Variants in IQSEC1 observed in about 807,000 individuals in gnomAD.
The protein encoded by IQSEC1 is IQ motif and Sec7 domain ArfGEF 1.
Under a neutral mutation model 91.0 loss-of-function variants are expected in IQSEC1, and 31 were observed. That is an observed-to-expected ratio of 0.34 (90% CI 0.26 to 0.46). The LOEUF is 0.46. Ranked by LOEUF, IQSEC1 falls within the 20% of genes least tolerant of loss-of-function variation. The pLI is 1.00. For missense variants in IQSEC1, 1,388 were observed against 1,575.6 expected, an observed-to-expected ratio of 0.88 and a Z score of 2.02; for synonymous variants, 699 against 662.6, an observed-to-expected ratio of 1.05 and a Z score of -0.84.
rs937581309 is a variant in IQSEC1 at position 12,922,020 on chromosome 3, A to G, written c.1853+100T>C. ...CATTCAGGGACACCTGGCCCTGTCT[A>G]GGGATGGTGGGGATGCAGTCTTTGG... On this transcript the variant is annotated intron_variant, in intron 5 of 13. Coordinates refer to ENST00000613206, the MANE Select transcript of IQSEC1 (RefSeq NM_001134382.3). This position sits in a 1 kb window ranked among gnomAD's most constrained non-coding sequence, Gnocchi z 5.1. 2.1e-6 allele frequency: 3 copies of G among 1,398,926 alleles called. No individual in the cohort carries two copies. The African/African-American group carries it at 4.4e-5, about 20-fold the overall frequency. 86.7% of individuals were successfully genotyped at this position (1,398,926 alleles called of 1,614,324 possible). A position where few individuals can be genotyped will look rare whatever the true frequency, so the allele number is the denominator to read the frequency against.
intron 1 of IQSEC1, among the ~76,000 whole-genome samples, chr3:13,009,974 G>C (rs1328563303): frequency 6.6e-6 from 1 of 152,226 alleles, no homozygotes; most frequent in Non-Finnish European, 1.5e-5. Context: ...CTGGGCTTCA[G>C]GTCAAGCTGA....
chr3:13,063,064 C>T (rs1429978130), intron 1 of IQSEC1, among the ~76,000 whole-genome samples: 1 of 152,222 alleles, frequency 6.6e-6, no homozygotes, highest in African/African-American at 2.4e-5. Context: ...ATCCCAAGCT[C>T]ATGCTCAGGA....
At chr3:13,127,083 G>T (rs1265600341) in intron 2 of IQSEC1, among the ~76,000 whole-genome samples, 2 of 152,078 alleles carry the variant, frequency 1.3e-5, no homozygotes. Context: ...TTGCATCTTT[G>T]TTAAAAGTCA....
chr3:13,138,622 G>A (rs358381), intron 2 of IQSEC1, among the ~76,000 whole-genome samples: 71,197 of 151,842 alleles, frequency 0.47, 17,744 homozygotes, highest in Admixed American at 0.57. Context: ...AGAGGCCAGG[G>A]AGGGGCCCAT....
chr3:12,963,484 T>A (rs1700367809), intron 1 of IQSEC1, among the ~76,000 whole-genome samples: 1 of 152,156 alleles, frequency 6.6e-6, no homozygotes, highest in Non-Finnish European at 1.5e-5. Flanking sequence ...CAGCAACAAT[T>A]TCACAAACGG....
At chr3:13,108,476 A>G (rs1348055436) in intron 2 of IQSEC1, among the ~76,000 whole-genome samples, 1 of 151,948 alleles carries the variant, frequency 6.6e-6, no homozygotes, top group Non-Finnish European at 1.5e-5. Context: ...TCCCATTTGT[A>G]TCTCCACCAG....
chr3:13,026,573 G>A (rs1035031105), intron 1 of IQSEC1, among the ~76,000 whole-genome samples: 4 of 152,216 alleles, frequency 2.6e-5, no homozygotes, highest in African/African-American at 9.7e-5. Flanking sequence ...TCTGTACCAA[G>A]GGAGCAAATG....
chr3:13,275,203 C>T (rs908387868), intron 1 of IQSEC1, among the ~76,000 whole-genome samples: 2 of 152,226 alleles, frequency 1.3e-5, no homozygotes, highest in East Asian at 1.9e-4. Flanking sequence ...GCACCTAGAA[C>T]GGGCTCGGTT....
At chr3:13,165,872 G>A (rs938871391) in intron 1 of IQSEC1, among the ~76,000 whole-genome samples, 5 of 152,178 alleles carry the variant, frequency 3.3e-5, no homozygotes, top group Non-Finnish European at 7.4e-5. Flanking sequence ...TCCACTGTGC[G>A]CTGACCAAGA....
chr3:13,170,957 G>A (rs1038567255), intron 1 of IQSEC1, among the ~76,000 whole-genome samples: 94 of 152,140 alleles, frequency 6.2e-4, no homozygotes, highest in Middle Eastern at 3.4e-3. Context: ...AAAATTAGCC[G>A]GGCATGATGG....
At chr3:13,121,164 A>G (rs1706417169) in intron 2 of IQSEC1, among the ~76,000 whole-genome samples, 1 of 152,206 alleles carries the variant, frequency 6.6e-6, no homozygotes, top group Admixed American at 6.5e-5. Context: ...TGCTTTTGTG[A>G]GCAGGACTTT....
intron 1 of IQSEC1, among the ~76,000 whole-genome samples, chr3:13,266,662 A>T (rs147327723): frequency 1.4e-3 from 210 of 152,228 alleles, no homozygotes; most frequent in Middle Eastern, 0.01. Context: ...CGTCACCTTA[A>T]GAAGAAACCA....
rs1454719354 is a variant in IQSEC1, at chr3:13,251,696, C to T, written c.272+31015G>A. ...ACCATGCAGAGGTCACTGCCCGCTACCTGGGGTATGAGACTCTGTTCCATT... is the reference window on the plus strand; with the variant it reads ...ACCATGCAGAGGTCACTGCCCGCTATCTGGGGTATGAGACTCTGTTCCATT... On this transcript the variant is annotated intron_variant, in intron 1 of 15. Transcript: ENST00000648114. 1.3e-5 allele frequency among the ~76,000 whole-genome samples: 2 copies of T among 152,184 alleles called. 1 individual carries two copies. Among genetic ancestry groups the T allele is most frequent in the African/African-American group, 4.8e-5 (2 of 41,446 alleles).
intron 2 of IQSEC1, among the ~76,000 whole-genome samples, chr3:13,104,588 C>T (rs1333166704): frequency 3.3e-5 from 5 of 152,162 alleles, no homozygotes; most frequent in South Asian, 2.1e-4. Flanking sequence ...CCCCTGTGCA[C>T]GCTGGGGCCA....
At chr3:13,212,435 T>C (rs1694463264) in intron 1 of IQSEC1, among the ~76,000 whole-genome samples, 1 of 152,226 alleles carries the variant, frequency 6.6e-6, no homozygotes, top group African/African-American at 2.4e-5. Context: ...TGACGGACAT[T>C]TGTGTTGTTT....
intron 1 of IQSEC1, among the ~76,000 whole-genome samples, chr3:12,987,586 G>A (rs530146311): frequency 6.6e-6 from 1 of 152,348 alleles, no homozygotes; most frequent in African/African-American, 2.4e-5. Flanking sequence ...AAGTGAGAAA[G>A]TTGACTACTT....
chr3:12,905,885 G>T (rs1188460350), intron 12 of IQSEC1, among the ~76,000 whole-genome samples: 3 of 152,260 alleles, frequency 2.0e-5, no homozygotes, highest in Non-Finnish European at 2.9e-5. Context: ...TGTTTCCACA[G>T]TCCTTGCTGG....
rs1226144922 is a variant in IQSEC1, at chr3:12,941,644, T to C, written c.245A>G (p.Glu82Gly). ...HSTSILRKQA[E>G]EEAIKRSRSL... ...GCGTGAGCGCTTGATGGCCTCCTCC[T>C]CAGCCTGCTTGCGCAGGATGGAGGT... Residue 82 changes from glutamate to glycine, a missense_variant, in exon 2 of 14, where the codon GAG becomes GGG. This residue lies in a region of IQSEC1 where 1,059 missense variants were observed against 1,317.8 expected (regional missense o/e 0.80). Coordinates refer to ENST00000613206, the MANE Select transcript of IQSEC1 (RefSeq NM_001134382.3). The C allele has an allele frequency of 6.2e-7, 1 of 1,612,488 alleles. No individual in the cohort carries two copies. The highest frequency in any genetic ancestry group is 2.2e-5 in the East Asian group (1 of 44,874).
chr3:12,992,586 G>C lies in IQSEC1; in HGVS notation c.24-50721C>G, dbSNP rs73813756. Among the ~76,000 whole-genome samples, 393 of 152,334 alleles carry C rather than the reference G, an allele frequency of 2.6e-3. 4 individuals carry two copies. The highest frequency in any genetic ancestry group is 9.0e-3 in the African/African-American group (374 of 41,576). ...ATGTGTCCACTGCCTGGTGGAGCCT[G>C]ACCACAAAATGAAACGGTGGCTCAT... On this transcript the variant is annotated intron_variant, in intron 1 of 13. Transcript: ENST00000613206. This position sits in a 1 kb window ranked among gnomAD's most constrained non-coding sequence, Gnocchi z 4.1.
Sources: gnomAD v4.1 joint callset for allele counts (sites outside exome capture counted in the v4.1 genomes callset) on GRCh38, gnomAD v4.1.1 for gene constraint, gnomAD v4.1.1 regional missense constraint, Gnocchi (gnomAD v3.1) non-coding constraint, MANE v1.5 for transcripts, NCBI Gene and HGNC (gene_info 2026-07-23, HGNC 2026-07-21) for gene names.